The following GLI2 variants were observed in gnomAD, a reference collection of about 807,000 sequenced individuals.
GLI2 encodes transcription activator GLI2.
A neutral mutation model predicts 78.9 loss-of-function variants in GLI2; 22 were observed. The ratio of observed to expected loss-of-function variants is 0.28; its 90% confidence interval spans 0.20 to 0.40. GLI2 has a LOEUF of 0.40. GLI2 is among the 10% of genes least tolerant of loss of function. The pLI, the probability that GLI2 is intolerant of heterozygous loss-of-function variation, is 1.00. For missense variants in GLI2, 2,097 were observed against 2,213.2 expected, an observed-to-expected ratio of 0.95 and a Z score of 1.05; for synonymous variants, 974 against 963.7, an observed-to-expected ratio of 1.01 and a Z score of -0.20.
intron 3 of GLI2, among the ~76,000 whole-genome samples, chr2:120,945,459 T>C (rs532334608): frequency 3.9e-5 from 6 of 152,170 alleles, no homozygotes; most frequent in Non-Finnish European, 1.5e-5. Flanking sequence ...GTTCTGCAGG[T>C]GGGTGGATGG....
intron 2 of GLI2, among the ~76,000 whole-genome samples, chr2:120,849,769 G>A (rs1021682901): frequency 2.0e-5 from 3 of 152,224 alleles, no homozygotes; most frequent in Non-Finnish European, 4.4e-5. Context: ...GACTGGGAAA[G>A]CATGGTTCCC....
chr2:120,989,147 TGGACGA>T lies in GLI2; in HGVS notation c.3185_3190del (p.Asp1062_Glu1063del), dbSNP rs1558942826. The T allele has an allele frequency of 1.2e-6, 2 of 1,612,966 alleles. No individual in the cohort carries two copies. Among genetic ancestry groups the T allele is most frequent in the Non-Finnish European group, 1.7e-6 (2 of 1,179,998 alleles). ...ATCAAGGCGCACGCCAGTGGCGCTC[TGGACGA>T]GGGCACCGGGCAGGTGTATCCCACG... On this transcript the variant is annotated inframe_deletion, in exon 14 of 14. Transcript: ENST00000361492.
At chr2:120,788,617 T>A (rs1684062175) in intron 1 of GLI2, among the ~76,000 whole-genome samples, 1 of 152,250 alleles carries the variant, frequency 6.6e-6, no homozygotes, top group Non-Finnish European at 1.5e-5. Context: ...CTGGCCCCTG[T>A]TCCAGCCCAG....
At chr2:120,886,192 GTGTGTGTGTGTGTGTGTGCGTGTA>G (rs374803728) in intron 2 of GLI2, among the ~76,000 whole-genome samples, 2,520 of 44,804 alleles carry the variant, frequency 0.056, 131 homozygotes, top group African/African-American at 0.24. Flanking sequence ...GTGTGTGTGT[GTGTGTGTGTGTGTGTGTGCGTGTA>G]TATTTTGGTT....
intron 2 of GLI2, among the ~76,000 whole-genome samples, chr2:120,913,802 G>A (rs2104822465): frequency 6.6e-6 from 1 of 152,330 alleles, no homozygotes; most frequent in South Asian, 2.1e-4. Context: ...ATTGTCTGTG[G>A]CAGGCCCTGC....
intron 3 of GLI2, among the ~76,000 whole-genome samples, chr2:120,935,048 G>A (rs532097802): frequency 3.3e-5 from 5 of 152,320 alleles, no homozygotes; most frequent in Admixed American, 1.3e-4. Flanking sequence ...CACAGCACCC[G>A]AGGTTCACGA....
At chr2:120,817,636 C>T (rs911873085) in intron 2 of GLI2, among the ~76,000 whole-genome samples, 4 of 152,264 alleles carry the variant, frequency 2.6e-5, no homozygotes, top group East Asian at 1.9e-4. Context: ...AAACTCATCG[C>T]GGGGGCACCT....
At chr2:120,823,870 C>G (rs1685905243) in intron 2 of GLI2, among the ~76,000 whole-genome samples, 1 of 152,162 alleles carries the variant, frequency 6.6e-6, no homozygotes, top group African/African-American at 2.4e-5. Flanking sequence ...CTTTCTGCAC[C>G]CACAAAAGGG....
chr2:120,924,411 C>T (rs1679556640), intron 2 of GLI2, among the ~76,000 whole-genome samples: 1 of 152,106 alleles, frequency 6.6e-6, no homozygotes, highest in Non-Finnish European at 1.5e-5. Context: ...TTGGCACTGT[C>T]GTTTTTTAGT....
At chr2:120,859,810 G>C (rs866911434) in intron 2 of GLI2, among the ~76,000 whole-genome samples, 1 of 149,194 alleles carries the variant, frequency 6.7e-6, no homozygotes, top group Non-Finnish European at 1.5e-5. Flanking sequence ...AGGCTGGAGC[G>C]CAATGGCACA....
intron 3 of GLI2, among the ~76,000 whole-genome samples, chr2:120,934,670 G>A (rs556273615): frequency 1.3e-5 from 2 of 152,152 alleles, no homozygotes; most frequent in Admixed American, 6.5e-5. Flanking sequence ...GCTTGGTCAC[G>A]CAAAATGCAT....
chr2:120,896,813 A>G (rs527660534), intron 2 of GLI2, among the ~76,000 whole-genome samples: 3 of 152,230 alleles, frequency 2.0e-5, no homozygotes, highest in Admixed American at 6.5e-5. Flanking sequence ...AGTCACCAAG[A>G]GTTAACTCTT....
rs879431685 is a variant in GLI2 at position 120,790,018 on chromosome 2, C to T, written c.-30-7273C>T. Among the ~76,000 whole-genome samples, 8 of 152,192 alleles carry T rather than the reference C, an allele frequency of 5.3e-5. No individual in the cohort carries two copies. The East Asian group carries it at 7.7e-4, about 15-fold the overall frequency. ...TCTAGTCATGGGGCTCCCGGTGCAG[C>T]GACACCCTAGGCAGAGGAGGGGGTC... On this transcript the variant is annotated intron_variant, in intron 1 of 13. Coordinates refer to ENST00000361492, the MANE Select transcript of GLI2 (RefSeq NM_001374353.1).
At chr2:120,753,182 T>A (rs532837567) in intron 1 of GLI2, among the ~76,000 whole-genome samples, 1 of 150,946 alleles carries the variant, frequency 6.6e-6, no homozygotes, top group Non-Finnish European at 1.5e-5. Flanking sequence ...CTGCAACTTC[T>A]GCCTCCTGGT....
chr2:120,935,316 G>T (rs1680146019), intron 3 of GLI2, among the ~76,000 whole-genome samples: 2 of 152,190 alleles, frequency 1.3e-5, no homozygotes, highest in Admixed American at 6.5e-5. Context: ...CACTTCTTCA[G>T]AGCAACTGGA....
chr2:120,984,657 G>A lies in GLI2; in HGVS notation c.1819G>A (p.Gly607Ser), dbSNP rs754383625. 1.4e-5 allele frequency: 23 copies of A among 1,613,830 alleles called. No homozygotes were observed. The highest frequency in any genetic ancestry group is 1.0e-4 in the Admixed American group (6 of 60,006). The change falls in exon 12 of 14, where the codon GGC (glycine) becomes AGC (serine). Residue 607 changes from glycine (G) to serine (S), a missense_variant. By Grantham distance (56) the Gly-to-Ser change is moderately conservative (BLOSUM62 0). Around this residue, in one of 5 missense-constraint regions of GLI2, gnomAD observed 57 missense variants for 44.5 expected, o/e 1.28. Coordinates refer to ENST00000361492, the MANE Select transcript of GLI2 (RefSeq NM_001374353.1). ...GDSEAGTEPG[G>S]PESTEASSTS... ...CAGTGAGGCCGGCACGGAGCCTGGC[G>A]GCCCAGAGAGCACCGAGGCCAGCAG...
In GLI2 at chr2:120,797,948, T is replaced by C. The variant is rs74704009; in HGVS notation, c.148+480T>C. 2.2e-3 allele frequency among the ~76,000 whole-genome samples: 333 copies of C among 152,204 alleles called. 10 individuals are homozygous for C. The East Asian group carries it at 0.054, about 25-fold the overall frequency. On this transcript the variant is annotated intron_variant, in intron 2 of 13. Coordinates refer to ENST00000361492, the MANE Select transcript of GLI2 (RefSeq NM_001374353.1). ...GGTGAATTTTTGGCCAACTTAATTATAACAAAAGAGACTACACGAGCCACA... is the reference window on the plus strand; with the variant it reads ...GGTGAATTTTTGGCCAACTTAATTACAACAAAAGAGACTACACGAGCCACA...
chr2:120,864,924 G>A (rs1688057005), intron 2 of GLI2, among the ~76,000 whole-genome samples: 1 of 152,222 alleles, frequency 6.6e-6, no homozygotes, highest in South Asian at 2.1e-4. Flanking sequence ...GGGTCTCTCT[G>A]GAGATGGCCG....
chr2:120,919,744 G>A (rs1228090220), intron 2 of GLI2, among the ~76,000 whole-genome samples: 1 of 152,286 alleles, frequency 6.6e-6, no homozygotes, highest in Admixed American at 6.5e-5. Context: ...CCAAGGGGCT[G>A]AGGGCCCTGG....
Sources: gnomAD v4.1 joint callset for allele counts (sites outside exome capture counted in the v4.1 genomes callset) on GRCh38, gnomAD v4.1.1 for gene constraint, gnomAD v4.1.1 regional missense constraint, MANE v1.5 for transcripts, NCBI Gene and HGNC (gene_info 2026-07-23, HGNC 2026-07-21) for gene names.